Variants in CDKN2B observed in about 807,000 individuals in gnomAD.
CDKN2B encodes cyclin-dependent kinase 4 inhibitor B.
In CDKN2B, 8 loss-of-function variants were observed where a neutral mutation model predicts 7.7. The ratio of observed to expected loss-of-function variants is 1.04; its 90% CI spans 0.61 to 1.87. CDKN2B has a LOEUF of 1.87. Among genes scored for constraint, CDKN2B ranks in the 40% most tolerant of loss-of-function variants. The pLI, the probability that CDKN2B is intolerant of heterozygous loss-of-function variation, is 0.00. For missense variants in CDKN2B, 244 were observed against 213.1 expected, an observed-to-expected ratio of 1.15 and a Z score of -0.90; for synonymous variants, 93 against 95.8, an observed-to-expected ratio of 0.97 and a Z score of 0.17.
chr9:22,008,021 T>C (rs1215434828), intron 1 of CDKN2B, among the ~76,000 whole-genome samples: 1 of 152,024 alleles, frequency 6.6e-6, no homozygotes, highest in Non-Finnish European at 1.5e-5. Context: ...TACAAAAGAG[T>C]TGTCCGAGAT....
chr9:22,005,658 GGTCCA>G lies in CDKN2B; in HGVS notation c.*324_*328del. 2.1e-6 allele frequency: 1 copy of G among 482,004 alleles called. No homozygotes were observed. 29.9% of individuals were successfully genotyped at this position (482,004 alleles called of 1,614,324 possible). ...TCCATCGGAAGATTCGTAGCCACCA[GGTCCA>G]GTCAAGGATTTCATATGCACTTTCC... On this transcript the variant is annotated 3_prime_UTR_variant, in exon 2 of 2. Transcript: ENST00000276925. This position sits in a 1 kb window ranked among gnomAD's most constrained non-coding sequence, Gnocchi z 4.9.
Position 22,006,267 on chromosome 9 carries a change from G to A in CDKN2B, c.157-20C>T. Reference sequence around the variant, plus strand: ...CATGACCTGCCAGAGAGAGCAGAGTGGTCAGAGCCAGGGTGGGGGCAGGTA... The same window carrying A: ...CATGACCTGCCAGAGAGAGCAGAGTAGTCAGAGCCAGGGTGGGGGCAGGTA... On this transcript the variant is annotated intron_variant, in intron 1 of 1. Transcript: ENST00000276925. The surrounding 1 kb of genome is among the most constrained non-coding windows in gnomAD (Gnocchi z 6.4). The A allele has an allele frequency of 6.2e-7, 1 of 1,601,796 alleles. No individual in the cohort carries two copies.
Position 22,003,693 on chromosome 9 carries a change from T to C in CDKN2B, c.*2294A>G, listed in dbSNP as rs1272693739. The stretch of plus-strand genomic sequence containing the variant: ...ATATTTTCTGTCCCTGTGCTTCAGT[T>C]TGAAAATGGAGGTTCCATTATCTTT... On this transcript the variant is annotated 3_prime_UTR_variant, in exon 2 of 2. Transcript: ENST00000276925. The C allele has an allele frequency of 4.3e-6, 1 of 231,554 alleles. No individual in the cohort carries two copies. The highest frequency in any genetic ancestry group is 8.5e-6 in the Non-Finnish European group (1 of 117,092). The allele number at this position is 231,554 out of a possible 1,614,324, so 14.3% of individuals were successfully genotyped here. A position where few individuals can be genotyped will look rare whatever the true frequency, so the allele number is the denominator to read the frequency against.
rs770734081 is a variant in CDKN2B, at chr9:22,006,139, G to C, written c.265C>G (p.Arg89Gly). 3.7e-6 allele frequency: 6 copies of C among 1,611,438 alleles called. No homozygotes were observed. The highest frequency in any genetic ancestry group is 5.1e-6 in the Non-Finnish European group (6 of 1,179,860). ...TLTRPVHDAA[R>G]EGFLDTLVVL... is the part of the protein sequence containing the mutation. ...ACCAGCGTGTCCAGGAAGCCCTCCCGGGCAGCATCATGCACCGGTCGGGTG... is the reference window on the plus strand; with the variant it reads ...ACCAGCGTGTCCAGGAAGCCCTCCCCGGCAGCATCATGCACCGGTCGGGTG... Residue 89 changes from arginine (R) to glycine (G), a missense_variant, in exon 2 of 2, where the codon CGG (arginine) becomes GGG (glycine). By Grantham distance (125) the Arg-to-Gly change is moderately radical (BLOSUM62 -2). Transcript: ENST00000276925. The surrounding 1 kb of genome is among the most constrained non-coding windows in gnomAD (Gnocchi z 6.4).
Position 22,004,140 on chromosome 9 carries a change from C to G in CDKN2B, c.*1847G>C, listed in dbSNP as rs530550051. The G allele has an allele frequency of 4.3e-6, 1 of 232,398 alleles. No individual in the cohort carries two copies. Among genetic ancestry groups the G allele is most frequent in the African/African-American group, 2.2e-5 (1 of 45,432 alleles). 14.4% of individuals were successfully genotyped at this position (232,398 alleles called of 1,614,324 possible). A position where few individuals can be genotyped will look rare whatever the true frequency, so the allele number is the denominator to read the frequency against. On this transcript the variant is annotated 3_prime_UTR_variant, in exon 2 of 2. Coordinates refer to ENST00000276925, the MANE Select transcript of CDKN2B (RefSeq NM_004936.4). ...AATATATTTTAATGCATACCTGGTACAGATTATGTGTCAATAAACATATCC... is the reference window on the plus strand; with the variant it reads ...AATATATTTTAATGCATACCTGGTAGAGATTATGTGTCAATAAACATATCC...
Position 22,003,293 on chromosome 9 carries a change from A to C in CDKN2B, c.*2694T>G, listed in dbSNP as rs1262729560. The C allele has an allele frequency of 9.9e-6, 2 of 201,776 alleles. No individual in the cohort carries two copies. The highest frequency in any genetic ancestry group is 4.6e-5 in the African/African-American group (2 of 43,646). 12.5% of individuals were successfully genotyped at this position (201,776 alleles called of 1,614,324 possible). A position where few individuals can be genotyped will look rare whatever the true frequency, so the allele number is the denominator to read the frequency against. On this transcript the variant is annotated 3_prime_UTR_variant, in exon 2 of 2. Coordinates refer to ENST00000276925, the MANE Select transcript of CDKN2B (RefSeq NM_004936.4). ...TGCTTTAAATAAAAAAAACTAACAA[A>C]ACAAACAAAAAAAACAGTGTAATAT...
Position 22,003,768 on chromosome 9 carries a change from A to G in CDKN2B, c.*2219T>C, listed in dbSNP as rs1563911462. 4.3e-6 allele frequency: 1 copy of G among 232,146 alleles called. No homozygotes were observed. Among genetic ancestry groups the G allele is most frequent in the Non-Finnish European group, 8.5e-6 (1 of 117,450 alleles). The allele number at this position is 232,146 out of a possible 1,614,324, so 14.4% of individuals were successfully genotyped here. A position where few individuals can be genotyped will look rare whatever the true frequency, so the allele number is the denominator to read the frequency against. Reference sequence around the variant, plus strand: ...GGTGTGTTGGGGGGGGTTATTCTCCATATTGTTGACATTTTAAAATAGTTT... The same window carrying G: ...GGTGTGTTGGGGGGGGTTATTCTCCGTATTGTTGACATTTTAAAATAGTTT... On this transcript the variant is annotated 3_prime_UTR_variant, in exon 2 of 2. Coordinates refer to ENST00000276925, the MANE Select transcript of CDKN2B (RefSeq NM_004936.4).
chr9:22,008,685 C>G lies in CDKN2B; in HGVS notation c.156+113G>C, dbSNP rs1337977360. On this transcript the variant is annotated intron_variant, in intron 1 of 1. Coordinates refer to ENST00000276925, the MANE Select transcript of CDKN2B (RefSeq NM_004936.4). ...GCGTGGAATGCACACCTCCGGCCAACGGAGACTCCTGTACAAATCTACATC... is the reference window on the plus strand; with the variant it reads ...GCGTGGAATGCACACCTCCGGCCAAGGGAGACTCCTGTACAAATCTACATC... 3 of 1,609,868 alleles carry G rather than the reference C, an allele frequency of 1.9e-6. No homozygotes were observed. In the Admixed American group the frequency reaches 5.0e-5, roughly 27 times the overall value.
chr9:22,008,809 G>A lies in CDKN2B; in HGVS notation c.145C>T (p.Arg49Cys). The A allele has an allele frequency of 1.2e-6, 2 of 1,604,912 alleles. No homozygotes were observed. The highest frequency in any genetic ancestry group is 1.7e-6 in the Non-Finnish European group (2 of 1,175,600). ...GGGGCCCCAGCTACCTGGATCGCGCGCCTCCCGAAACGGTTGACTCCGTTG... is the reference window on the plus strand; with the variant it reads ...GGGGCCCCAGCTACCTGGATCGCGCACCTCCCGAAACGGTTGACTCCGTTG... ...DPNGVNRFGR[R>C]AIQVMMMGSA... Residue 49 changes from arginine (R) to cysteine (C), a missense_variant, in exon 1 of 2, where the codon CGC (arginine) becomes TGC (cysteine). By Grantham distance (180) the Arg-to-Cys change is radical. Transcript: ENST00000276925.
rs1821368860 is a variant in CDKN2B at position 22,009,256 on chromosome 9, G to C, written c.-303C>G. ...AGCTCAAAGCCGCTCTGGCCGCAGGGTGCGGACGCGTCGCGGAGTCCTCAC... is the reference window on the plus strand; with the variant it reads ...AGCTCAAAGCCGCTCTGGCCGCAGGCTGCGGACGCGTCGCGGAGTCCTCAC... On this transcript the variant is annotated 5_prime_UTR_variant, in exon 1 of 2. Coordinates refer to ENST00000276925, the MANE Select transcript of CDKN2B (RefSeq NM_004936.4). 2 of 534,484 alleles carry C rather than the reference G, an allele frequency of 3.7e-6. No individual in the cohort carries two copies. The highest frequency in any genetic ancestry group is 1.9e-5 in the African/African-American group (1 of 52,338). 33.1% of individuals were successfully genotyped at this position (534,484 alleles called of 1,614,324 possible). A position where few individuals can be genotyped will look rare whatever the true frequency, so the allele number is the denominator to read the frequency against.
chr9:22,008,789 C>T lies in CDKN2B; in HGVS notation c.156+9G>A, dbSNP rs371777152. On this transcript the variant is annotated intron_variant, in intron 1 of 1. Transcript: ENST00000276925. ...CCCCCTGCCGGCGAGGCCCTGGGGC[C>T]CCAGCTACCTGGATCGCGCGCCTCC... 80 of 1,606,878 alleles carry T rather than the reference C, an allele frequency of 5.0e-5. No individual in the cohort carries two copies. Among genetic ancestry groups the T allele is most frequent in the Middle Eastern group, 1.6e-4 (1 of 6,072 alleles).
In CDKN2B at chr9:22,006,080, C is replaced by G. The variant is rs1009302274; in HGVS notation, c.324G>C (p.Val108=). ...VLHRAGARLD[V]RDAWGRLPVD... is the part of the protein sequence containing the mutation. ...CGGGCAGACGACCCCAGGCATCGCG[C>G]ACGTCCAGCCGCGCCCCGGCCCGGT... Residue 108 remains valine, a synonymous_variant, in exon 2 of 2, where the codon GTG becomes GTC. Coordinates refer to ENST00000276925, the MANE Select transcript of CDKN2B (RefSeq NM_004936.4). This position sits in a 1 kb window ranked among gnomAD's most constrained non-coding sequence, Gnocchi z 6.4. 3.1e-6 allele frequency: 5 copies of G among 1,607,300 alleles called. No individual in the cohort carries two copies. Among genetic ancestry groups the G allele is most frequent in the Non-Finnish European group, 4.2e-6 (5 of 1,179,666 alleles).
chr9:22,005,420 C>G lies in CDKN2B; in HGVS notation c.*567G>C, dbSNP rs984392072. The G allele has an allele frequency of 2.0e-5, 5 of 246,396 alleles. No homozygotes were observed. Among genetic ancestry groups the G allele is most frequent in the Admixed American group, 5.0e-5 (1 of 20,088 alleles). 15.3% of individuals were successfully genotyped at this position (246,396 alleles called of 1,614,324 possible). The stretch of plus-strand genomic sequence containing the variant: ...TCGTTTACGCATGTGACTTGCCATG[C>G]GCTCAAACTAAAGCGCCGCCGGGGA... On this transcript the variant is annotated 3_prime_UTR_variant, in exon 2 of 2. Transcript: ENST00000276925. The surrounding 1 kb of genome is among the most constrained non-coding windows in gnomAD (Gnocchi z 4.9).
At chr9:22,008,639 C>G in intron 1 of CDKN2B, 159 bp downstream of exon 1, 3 of 1,588,994 alleles carry the variant, frequency 1.9e-6, no homozygotes, top group Non-Finnish European at 2.6e-6. Context: ...AGGATTTTTG[C>G]TGGGTAAAAG....
In CDKN2B at chr9:22,008,939, G is replaced by T. The variant is rs769686129; in HGVS notation, c.15C>A (p.Asn5Lys). ...TGCCGCCCCCACTGGGCATGCCCTT[G>T]TTCTCCTCGCGCATTCCGCAGCCCC... Reference protein sequence around the residue: MREENKGMPSGGGSD... With the variant: MREEKKGMPSGGGSD... Residue 5 changes from asparagine (N) to lysine (K), a missense_variant, in exon 1 of 2, where the codon AAC becomes AAA. By Grantham distance (94) the Asn-to-Lys change is moderately conservative. Transcript: ENST00000276925. 6.8e-6 allele frequency: 11 copies of T among 1,613,012 alleles called. No homozygotes were observed. The highest frequency in any genetic ancestry group is 1.6e-4 in the Middle Eastern group (1 of 6,062).
intron 1 of CDKN2B, among the ~76,000 whole-genome samples, chr9:22,008,307 G>A (rs1821294922): frequency 6.6e-6 from 1 of 152,096 alleles, no homozygotes; most frequent in Non-Finnish European, 1.5e-5. Context: ...CTGTGGTTGA[G>A]GAATCCCGTC....
Position 22,009,011 on chromosome 9 carries a change from C to A in CDKN2B, c.-58G>T. On this transcript the variant is annotated 5_prime_UTR_variant, in exon 1 of 2. Coordinates refer to ENST00000276925, the MANE Select transcript of CDKN2B (RefSeq NM_004936.4). ...AATCCACCGTTGGCCGTAAACTTAA[C>A]GACACTCTTCCCTTCTTTCCCACGC... 6.2e-7 allele frequency: 1 copy of A among 1,610,432 alleles called. No individual in the cohort carries two copies.
intron 1 of CDKN2B, among the ~76,000 whole-genome samples, chr9:22,008,335 CTA>C (rs1181859845): frequency 6.6e-6 from 1 of 152,104 alleles, no homozygotes; most frequent in Non-Finnish European, 1.5e-5. Context: ...CAATTAACCT[CTA>C]TGAGAAAACA....
rs763615328 is a variant in CDKN2B, at chr9:22,008,949, C to T, written c.5G>A (p.Arg2His). The T allele has an allele frequency of 6.2e-6, 10 of 1,612,940 alleles. No individual in the cohort carries two copies. The highest frequency in any genetic ancestry group is 7.6e-6 in the Non-Finnish European group (9 of 1,179,970). The part of the protein sequence containing the change: M[R>H]EENKGMPSGG... ...ACTGGGCATGCCCTTGTTCTCCTCG[C>T]GCATTCCGCAGCCCCCAGACGCGCA... Residue 2 changes from arginine to histidine, a missense_variant, in exon 1 of 2, where the codon CGC (arginine) becomes CAC (histidine). Transcript: ENST00000276925.
Sources: allele counts gnomAD v4.1 joint callset (sites outside exome capture counted in the v4.1 genomes callset), GRCh38; gene constraint gnomAD v4.1.1; non-coding constraint Gnocchi (gnomAD v3.1); transcripts MANE v1.5; gene names NCBI Gene and HGNC (gene_info 2026-07-23, HGNC 2026-07-21).